Variants in MARCHF8 observed in about 807,000 individuals in gnomAD.
MARCHF8 encodes the protein E3 ubiquitin-protein ligase MARCHF8.
A neutral mutation model predicts 51.6 loss-of-function variants in MARCHF8; 40 were observed. That is an observed-to-expected ratio of 0.77 (90% CI 0.60 to 1.01). The LOEUF is 1.01. Among genes scored for constraint, MARCHF8 ranks in the 50% least tolerant of loss-of-function variants. The pLI, the probability that MARCHF8 is intolerant of heterozygous loss-of-function variation, is 0.00. For missense variants in MARCHF8, 685 were observed against 708.6 expected (o/e 0.97, Z 0.38); for synonymous variants, 263 against 280.3 (o/e 0.94, Z 0.62).
At chr10:45,572,712 C>T (rs533826574) in intron 1 of MARCHF8, among the ~76,000 whole-genome samples, 3 of 152,230 alleles carry the variant, frequency 2.0e-5, no homozygotes, top group Admixed American at 6.5e-5. Context: ...TCAGTCCCAA[C>T]CCCAAGCGTC....
At chr10:45,472,957 A>ATTAAGAAAATAAT (rs2042721349) in intron 3 of MARCHF8, among the ~76,000 whole-genome samples, 1 of 152,240 alleles carries the variant, frequency 6.6e-6, no homozygotes, top group South Asian at 2.1e-4. Context: ...TTCAGAATAA[A>ATTAAGAAAATAAT]TTAAGAAAGC....
chr10:45,477,053 G>A (rs1177061173), intron 3 of MARCHF8, among the ~76,000 whole-genome samples: 5 of 152,086 alleles, frequency 3.3e-5, no homozygotes, highest in South Asian at 2.1e-4. Flanking sequence ...ACATTATATA[G>A]TCAAACAGTC....
intron 1 of MARCHF8, among the ~76,000 whole-genome samples, chr10:45,569,590 G>A (rs1428215597): frequency 1.3e-5 from 2 of 152,112 alleles, no homozygotes; most frequent in African/African-American, 4.8e-5. Context: ...AAGGACCCTT[G>A]TTTTTCAAAG....
chr10:45,550,328 G>A (rs1331882622), intron 1 of MARCHF8, among the ~76,000 whole-genome samples: 3 of 152,176 alleles, frequency 2.0e-5, no homozygotes, highest in Non-Finnish European at 2.9e-5. Context: ...AAGATCTCAC[G>A]TTCCTTAACA....
chr10:45,481,648 G>A (rs563316322), intron 3 of MARCHF8, among the ~76,000 whole-genome samples: 10 of 152,166 alleles, frequency 6.6e-5, no homozygotes, highest in South Asian at 2.1e-4. Context: ...CATGCCTTTC[G>A]CCTTCTGCCA....
intron 3 of MARCHF8, among the ~76,000 whole-genome samples, chr10:45,470,596 G>T (rs1025735588): frequency 6.6e-6 from 1 of 152,146 alleles, no homozygotes; most frequent in Non-Finnish European, 1.5e-5. Context: ...GCATTCCCAG[G>T]TTCCAGGCAA....
At chr10:45,486,288 G>A (rs1046627237) in intron 3 of MARCHF8, among the ~76,000 whole-genome samples, 4 of 152,160 alleles carry the variant, frequency 2.6e-5, no homozygotes, top group South Asian at 2.1e-4. Context: ...AGAAGGGGCC[G>A]GGCACGGTGG....
At chr10:45,476,148 A>G (rs778057262) in intron 3 of MARCHF8, among the ~76,000 whole-genome samples, 7 of 152,238 alleles carry the variant, frequency 4.6e-5, no homozygotes, top group Non-Finnish European at 8.8e-5. Context: ...ATAAGGACAC[A>G]AGAAATGAAA....
At chr10:45,565,927 C>A (rs561453420) in intron 1 of MARCHF8, among the ~76,000 whole-genome samples, 1 of 152,062 alleles carries the variant, frequency 6.6e-6, no homozygotes, top group Non-Finnish European at 1.5e-5. Flanking sequence ...TATATTAAAC[C>A]CATGGCCAAC....
chr10:45,531,967 C>A (rs2043894232), intron 2 of MARCHF8, among the ~76,000 whole-genome samples: 1 of 152,148 alleles, frequency 6.6e-6, no homozygotes, highest in South Asian at 2.1e-4. Context: ...AGAAACACAA[C>A]CACTATTTTC....
intron 2 of MARCHF8, among the ~76,000 whole-genome samples, chr10:45,532,342 A>G (rs1246006986): frequency 6.6e-6 from 1 of 152,214 alleles, no homozygotes; most frequent in Non-Finnish European, 1.5e-5. Flanking sequence ...TCCTTTTTCT[A>G]TTCCAAACAA....
chr10:45,589,332 T>A (rs934172687), intron 1 of MARCHF8, among the ~76,000 whole-genome samples: 1 of 152,204 alleles, frequency 6.6e-6, no homozygotes, highest in Non-Finnish European at 1.5e-5. Flanking sequence ...CTCAGTCACA[T>A]GGCTATAAGC....
chr10:45,503,824 T>TAAGA (rs1554812066), intron 2 of MARCHF8, among the ~76,000 whole-genome samples: 2,241 of 152,202 alleles, frequency 0.015, 50 homozygotes, highest in African/African-American at 0.052. Flanking sequence ...CATACTACAA[T>TAAGA]ATGAACCCTG....
chr10:45,570,435 T>C (rs373028049), intron 1 of MARCHF8, among the ~76,000 whole-genome samples: 7 of 152,250 alleles, frequency 4.6e-5, no homozygotes, highest in South Asian at 4.1e-4. Context: ...CCATTCCGGG[T>C]TAAAAAAAAT....
intron 1 of MARCHF8, among the ~76,000 whole-genome samples, chr10:45,572,927 C>A (rs1321281108): frequency 6.6e-6 from 1 of 151,986 alleles, no homozygotes; most frequent in East Asian, 1.9e-4. Context: ...CCTTTTATCA[C>A]CTCCCCCTCC....
intron 3 of MARCHF8, among the ~76,000 whole-genome samples, chr10:45,464,877 C>T (rs1348037396): frequency 6.6e-6 from 1 of 152,182 alleles, no homozygotes; most frequent in Non-Finnish European, 1.5e-5. Context: ...CCATGGGGGA[C>T]ACCAATCCAT....
At chr10:45,482,638 C>T (rs2042907900) in intron 3 of MARCHF8, among the ~76,000 whole-genome samples, 2 of 152,172 alleles carry the variant, frequency 1.3e-5, no homozygotes, top group Admixed American at 1.3e-4. Flanking sequence ...CCTGTAATCT[C>T]AGCTAATCAG....
chr10:45,562,771 C>G (rs1259926474), intron 1 of MARCHF8, among the ~76,000 whole-genome samples: 1 of 152,124 alleles, frequency 6.6e-6, no homozygotes, highest in Non-Finnish European at 1.5e-5. Flanking sequence ...TGTCAGCAAA[C>G]ATTCCCCATG....
chr10:45,572,487 C>A (rs768693781), intron 1 of MARCHF8, among the ~76,000 whole-genome samples: 1 of 152,180 alleles, frequency 6.6e-6, no homozygotes, highest in East Asian at 1.9e-4. Context: ...TGCCACTTAA[C>A]CCCAATACAA....
Sources: allele counts gnomAD v4.1 joint callset (sites outside exome capture counted in the v4.1 genomes callset), GRCh38; gene constraint gnomAD v4.1.1; transcripts MANE v1.5; gene names NCBI Gene and HGNC (gene_info 2026-07-23, HGNC 2026-07-21).